Variants in LRIT3 observed in about 807,000 individuals in gnomAD.
The protein encoded by LRIT3 is leucine-rich repeat, immunoglobulin-like domain and transmembrane domain-containing protein 3.
LRIT3 carries 14 observed loss-of-function variants against 22.6 expected under a neutral mutation model. The ratio of observed to expected loss-of-function variants is 0.62; its 90% CI spans 0.41 to 0.97. LRIT3 has a LOEUF of 0.97. LRIT3 is among the 50% of genes least tolerant of loss of function. The probability of loss-of-function intolerance (pLI) is 0.00; values close to 1 mark genes in which losing one functional copy is unlikely to be tolerated. For synonymous variants in LRIT3, 306 were observed against 304.5 expected (o/e 1.01, Z -0.05); for missense variants, 783 against 803.0 (o/e 0.98, Z 0.30).
chr4:109,868,550 TTAAA>T (rs1429905939), intron 3 of LRIT3, among the ~76,000 whole-genome samples: 1,541 of 73,160 alleles, frequency 0.021, 16 homozygotes, highest in African/African-American at 0.052. Flanking sequence ...TAAGACTGTC[TTAAA>T]AAAAAAAAAA....
intron 2 of LRIT3, among the ~76,000 whole-genome samples, chr4:109,856,349 G>A (rs1734401934): frequency 6.6e-6 from 1 of 152,106 alleles, no homozygotes. Context: ...TGATTGGATT[G>A]AATAATATTT....
Position 109,870,936 on chromosome 4 carries a change from T to C in LRIT3, c.*147T>C, listed in dbSNP as rs1042144600. On this transcript the variant is annotated 3_prime_UTR_variant, in exon 4 of 4. Transcript: ENST00000594814. ...TTTTAAGTATGTTTAAAAAATACCA[T>C]GAGACCTCTGAACTGAAAAGACAAA... is the stretch of plus-strand genomic sequence containing the variant. 2.3e-5 allele frequency: 17 copies of C among 731,792 alleles called. No homozygotes were observed. The highest frequency in any genetic ancestry group is 3.0e-5 in the Non-Finnish European group (15 of 492,128). The allele number at this position is 731,792 out of a possible 1,614,324, so 45.3% of individuals were successfully genotyped here.
At chr4:109,848,378 G>C (rs1734128777) in intron 1 of LRIT3, 61 bp downstream of exon 1, 3 of 925,998 alleles carry the variant, frequency 3.2e-6, no homozygotes, top group South Asian at 5.5e-5. Context: ...ACCCAAACAA[G>C]AAAGCCTACT....
intron 2 of LRIT3, among the ~76,000 whole-genome samples, chr4:109,856,290 T>A (rs1360107820): frequency 2.0e-5 from 3 of 152,174 alleles, no homozygotes; most frequent in African/African-American, 7.2e-5. Context: ...CATCTCCTCA[T>A]TTTCTCTGAT....
intron 2 of LRIT3, among the ~76,000 whole-genome samples, chr4:109,858,085 T>G (rs1734446354): frequency 6.6e-6 from 1 of 152,128 alleles, no homozygotes; most frequent in Non-Finnish European, 1.5e-5. Flanking sequence ...AGGGGTTCCT[T>G]CTTCTGAAGG....
Position 109,868,940 on chromosome 4 carries a change from A to C in LRIT3, c.896-705A>C, listed in dbSNP as rs184971844. On this transcript the variant is annotated intron_variant, in intron 3 of 3. Transcript: ENST00000594814. ...GGCTACTGTTCTGCGCATTATTATT[A>C]TTCTTTGAAAAGCTTCTGAAATCAA... 2.7e-3 allele frequency among the ~76,000 whole-genome samples: 412 copies of C among 152,286 alleles called. 1 individual carries two copies. Among genetic ancestry groups the C allele is most frequent in the Non-Finnish European group, 4.2e-3 (287 of 68,004 alleles).
intron 2 of LRIT3, among the ~76,000 whole-genome samples, chr4:109,857,402 C>T (rs566387349): frequency 6.6e-6 from 1 of 152,196 alleles, no homozygotes; most frequent in East Asian, 1.9e-4. Context: ...ATATTTTTGG[C>T]TGTGTGGAAA....
At position 109,869,698 on chromosome 4, in the gene LRIT3, G is replaced by C. The variant is rs2125901459; in HGVS notation, c.949G>C (p.Gly317Arg). 1.3e-6 allele frequency: 2 copies of C among 1,598,074 alleles called. No individual in the cohort carries two copies. The highest frequency in any genetic ancestry group is 1.7e-6 in the Non-Finnish European group (2 of 1,171,928). ...CAGATGGTCCATAATGAGCTTGACA[G>C]GCATTTCTTCCAAAGACGCTGGGGA... ...GVRWSIMSLT[G>R]ISSKDAGDYK... is the part of the protein sequence containing the mutation. The change falls in exon 4 of 4, where the codon GGC becomes CGC. Residue 317 changes from glycine to arginine, a missense_variant. Around this residue, in one of 2 missense-constraint regions of LRIT3, gnomAD observed 756 missense variants for 753.8 expected, o/e 1.00. Transcript: ENST00000594814.
At chr4:109,852,079 G>T in intron 2 of LRIT3, 103 bp downstream of exon 2, 1 of 1,037,136 alleles carries the variant, frequency 9.6e-7, no homozygotes. Flanking sequence ...TTTTTACTCT[G>T]TAATTGCACT....
Position 109,870,836 on chromosome 4 carries a change from G to T in LRIT3, c.*47G>T, listed in dbSNP as rs1282231068. 1 of 1,513,128 alleles carries T rather than the reference G, an allele frequency of 6.6e-7. No individual in the cohort carries two copies. Among genetic ancestry groups the T allele is most frequent in the East Asian group, 2.3e-5 (1 of 43,900 alleles). The allele number at this position is 1,513,128 out of a possible 1,614,324, so 93.7% of individuals were successfully genotyped here. On this transcript the variant is annotated 3_prime_UTR_variant, in exon 4 of 4. Transcript: ENST00000594814. The stretch of plus-strand genomic sequence containing the variant: ...GTGAGCTACAAAACTAGCATCTAAG[G>T]GTATAATTGACCCTAGGTTTGGATG...
intron 2 of LRIT3, among the ~76,000 whole-genome samples, chr4:109,859,991 C>T (rs964350347): frequency 1.3e-5 from 2 of 152,186 alleles, no homozygotes; most frequent in African/African-American, 4.8e-5. Context: ...AAAACATCAA[C>T]TTAGTAAAAT....
chr4:109,869,859 G>T lies in LRIT3; in HGVS notation c.1110G>T (p.Gln370His), dbSNP rs1362503554. The change falls in exon 4 of 4, where the codon CAG becomes CAT. Residue 370 changes from glutamine to histidine, a missense_variant. Physicochemically the swap from Gln to His is conservative, Grantham distance 24. Transcript: ENST00000594814. Reference sequence around the variant, plus strand: ...GAGATCATCCTGAGTGGGATGTCCAGCCGGGATCTGGAAGATCTACATCTG... The same window carrying T: ...GAGATCATCCTGAGTGGGATGTCCATCCGGGATCTGGAAGATCTACATCTG... The part of the protein sequence containing the change: ...RTGDHPEWDV[Q>H]PGSGRSTSVS... The T allele has an allele frequency of 6.2e-7, 1 of 1,613,916 alleles. No homozygotes were observed. Among genetic ancestry groups the T allele is most frequent in the Non-Finnish European group, 8.5e-7 (1 of 1,179,994 alleles).
Position 109,848,191 on chromosome 4 carries a change from TA to T in LRIT3, c.-7del. 8.2e-7 allele frequency: 1 copy of T among 1,223,180 alleles called. No individual in the cohort carries two copies. The highest frequency in any genetic ancestry group is 1.0e-6 in the Non-Finnish European group (1 of 979,808). 75.8% of individuals were successfully genotyped at this position (1,223,180 alleles called of 1,614,324 possible). On this transcript the variant is annotated 5_prime_UTR_variant, in exon 1 of 4. Transcript: ENST00000594814. ...TTTTACCTTTTGTTTAAATAACCTC[TA>T]AAAGGAGCAATGCATCTCTTTGCAT...
rs1579381538 is a variant in LRIT3, at chr4:109,867,887, GCT to G, written c.837_838del (p.Phe280ProfsTer11). 4.3e-6 allele frequency: 7 copies of G among 1,613,854 alleles called. No homozygotes were observed. In the East Asian group the frequency reaches 1.3e-4, roughly 31 times the overall value. On this transcript the variant is annotated frameshift_variant, in exon 3 of 4. Transcript: ENST00000594814. LOFTEE classifies it high-confidence loss of function. ...GTTCTACTGCGGTGTGATGCCACTG[GCT>G]TCCCCACCCCACAGATCACATGGAC...
chr4:109,860,982 T>A (rs892476827), intron 2 of LRIT3, among the ~76,000 whole-genome samples: 2 of 152,258 alleles, frequency 1.3e-5, no homozygotes, highest in Non-Finnish European at 2.9e-5. Flanking sequence ...TAAATTAAGC[T>A]GCAATTAACA....
In LRIT3 at chr4:109,867,770, G is replaced by A. The variant is rs1579381418; in HGVS notation, c.719G>A (p.Gly240Glu). 10 of 1,614,162 alleles carry A rather than the reference G, an allele frequency of 6.2e-6. No individual in the cohort carries two copies. The highest frequency in any genetic ancestry group is 8.5e-6 in the Non-Finnish European group (10 of 1,180,016). Residue 240 changes from glycine to glutamate, a missense_variant, in exon 3 of 4, where the codon GGA becomes GAA. By Grantham distance (98) the Gly-to-Glu change is moderately conservative (BLOSUM62 -2). Around this residue, in one of 2 missense-constraint regions of LRIT3, gnomAD observed 756 missense variants for 753.8 expected, o/e 1.00. Transcript: ENST00000594814. ...MTCSEPERLT[G>E]ILFQRAELEH... ...TGCAGTGAACCTGAGCGCCTCACAG[G>A]AATTTTGTTTCAGCGGGCTGAATTG...
chr4:109,858,194 G>C (rs376055025), intron 2 of LRIT3, among the ~76,000 whole-genome samples: 14 of 152,248 alleles, frequency 9.2e-5, no homozygotes, highest in African/African-American at 3.4e-4. Flanking sequence ...GCTCGAATAA[G>C]AGGAGGAAAA....
At position 109,871,484 on chromosome 4, in the gene LRIT3, A is replaced by C. The variant is rs954696528; in HGVS notation, c.*695A>C. On this transcript the variant is annotated 3_prime_UTR_variant, in exon 4 of 4. Coordinates refer to ENST00000594814, the MANE Select transcript of LRIT3 (RefSeq NM_198506.5). The stretch of plus-strand genomic sequence containing the variant: ...ATTTAAACACATCGACTGACAGATT[A>C]TATGGATATTTAAAAATAACTTTAA... 1.3e-5 allele frequency: 2 copies of C among 152,234 alleles called. No homozygotes were observed. Among genetic ancestry groups the C allele is most frequent in the Admixed American group, 1.3e-4 (2 of 15,286 alleles). The allele number at this position is 152,234 out of a possible 1,614,324, so 9.4% of individuals were successfully genotyped here.
In LRIT3 at chr4:109,870,597, T is replaced by A. The variant is rs765460235; in HGVS notation, c.1848T>A (p.Phe616Leu). 2 of 1,613,736 alleles carry A rather than the reference T, an allele frequency of 1.2e-6. No homozygotes were observed. Among genetic ancestry groups the A allele is most frequent in the South Asian group, 2.2e-5 (2 of 91,000 alleles). ...AACTGCAATGTAAATCAGAACCTTT[T>A]TGGGAAGATGATTTGGCAAAGGAGA... ...VCKLQCKSEP[F>L]WEDDLAKETY... The change falls in exon 4 of 4, where the codon TTT becomes TTA. Residue 616 changes from phenylalanine to leucine, a missense_variant. Physicochemically the swap from Phe to Leu is conservative, Grantham distance 22 (BLOSUM62 0). Coordinates refer to ENST00000594814, the MANE Select transcript of LRIT3 (RefSeq NM_198506.5).
Sources: gnomAD v4.1 joint callset for allele counts (sites outside exome capture counted in the v4.1 genomes callset) on GRCh38, gnomAD v4.1.1 for gene constraint, gnomAD v4.1.1 regional missense constraint, MANE v1.5 for transcripts, NCBI Gene and HGNC (gene_info 2026-07-23, HGNC 2026-07-21) for gene names.